Variants in PARM1 observed in about 807,000 individuals in gnomAD.
PARM1 encodes the protein prostate androgen-regulated mucin-like protein 1, also known as WSC4, cell wall integrity and stress response component 4 homolog.
PARM1 carries 14 observed loss-of-function variants against 24.6 expected under a neutral mutation model. The ratio of observed to expected loss-of-function variants is 0.57; its 90% CI spans 0.38 to 0.89. The LOEUF is 0.89. Ranked by LOEUF, PARM1 falls within the 40% of genes least tolerant of loss-of-function variation. PARM1 has a pLI of 0.00. For synonymous variants in PARM1, 179 were observed against 156.6 expected (o/e 1.14, Z -1.07); for missense variants, 362 against 380.4 (o/e 0.95, Z 0.40).
intron 1 of PARM1, among the ~76,000 whole-genome samples, chr4:74,935,461 A>T (rs1455276523): frequency 6.6e-6 from 1 of 152,180 alleles, no homozygotes; most frequent in Non-Finnish European, 1.5e-5. Context: ...TTAAAGAAAA[A>T]AATAGACGTG....
intron 1 of PARM1, among the ~76,000 whole-genome samples, chr4:74,979,136 A>G (rs1007761990): frequency 6.7e-6 from 1 of 149,382 alleles, no homozygotes; most frequent in African/African-American, 2.6e-5. Context: ...ATAGAGACGC[A>G]CACACACACA....
chr4:74,933,654 T>A (rs936341366), intron 1 of PARM1, among the ~76,000 whole-genome samples: 1 of 152,102 alleles, frequency 6.6e-6, no homozygotes, highest in African/African-American at 2.4e-5. Context: ...GAACCCAGAG[T>A]GGGCAACACG....
chr4:75,024,267 A>AC (rs1553972812), intron 2 of PARM1, among the ~76,000 whole-genome samples: 1 of 151,976 alleles, frequency 6.6e-6, no homozygotes, highest in Non-Finnish European at 1.5e-5. Context: ...AAAAAAAAAA[A>AC]AAATAGCAAG....
At chr4:74,972,981 G>C in intron 1 of PARM1, among the ~76,000 whole-genome samples, 1 of 152,108 alleles carries the variant, frequency 6.6e-6, no homozygotes, top group Non-Finnish European at 1.5e-5. Flanking sequence ...ACCATGTGAT[G>C]TTTAGATCTC....
intron 1 of PARM1, among the ~76,000 whole-genome samples, chr4:74,954,396 A>T (rs1300037191): frequency 2.6e-5 from 4 of 152,212 alleles, no homozygotes; most frequent in African/African-American, 9.6e-5. Context: ...TTCCAACTTT[A>T]CCAAGAATGA....
chr4:74,946,120 G>A (rs931883550), intron 1 of PARM1, among the ~76,000 whole-genome samples: 5 of 152,116 alleles, frequency 3.3e-5, no homozygotes, highest in African/African-American at 9.7e-5. Context: ...TAGAAAGTAC[G>A]CAGTACTATT....
chr4:74,994,777 A>T (rs1722544358), intron 1 of PARM1, among the ~76,000 whole-genome samples: 1 of 150,794 alleles, frequency 6.6e-6, no homozygotes, highest in South Asian at 2.1e-4. Context: ...TGGGTGACAG[A>T]GCAAGACTCT....
At chr4:75,041,342 A>C (rs1487964266) in intron 3 of PARM1, among the ~76,000 whole-genome samples, 1 of 152,242 alleles carries the variant, frequency 6.6e-6, no homozygotes, top group Non-Finnish European at 1.5e-5. Context: ...TAATGAACTG[A>C]AAGTTCAGCT....
chr4:74,977,425 G>C (rs1483733230), intron 1 of PARM1, among the ~76,000 whole-genome samples: 1 of 152,032 alleles, frequency 6.6e-6, no homozygotes, highest in African/African-American at 2.4e-5. Flanking sequence ...AGAATAAAAA[G>C]GAATGAACAA....
intron 1 of PARM1, chr4:74,969,790 A>T (rs1374712041): frequency 6.6e-6 from 1 of 152,190 alleles, no homozygotes; most frequent in African/African-American, 2.4e-5. Context: ...GGTGCTCTCA[A>T]CACCTTACTA....
chr4:75,044,986 C>T (rs1031109142), intron 3 of PARM1, among the ~76,000 whole-genome samples: 7 of 152,192 alleles, frequency 4.6e-5, no homozygotes, highest in Non-Finnish European at 7.3e-5. Context: ...CACAGGGTTC[C>T]TCCCACAACA....
chr4:74,942,356 T>C (rs545631706), intron 1 of PARM1, among the ~76,000 whole-genome samples: 5 of 152,358 alleles, frequency 3.3e-5, no homozygotes, highest in Non-Finnish European at 7.3e-5. Context: ...TAATGAGCAA[T>C]GACAAAACTC....
intron 1 of PARM1, chr4:74,994,361 G>A (rs900588157): frequency 2.6e-5 from 4 of 152,138 alleles, no homozygotes; most frequent in Admixed American, 2.0e-4. Context: ...GACATTCATC[G>A]TCATGGCATG....
At position 74,999,746 on chromosome 4, in the gene PARM1, TC is replaced by T. The variant is rs1483834196; in HGVS notation, c.44-12678del. 1.5e-4 allele frequency among the ~76,000 whole-genome samples: 23 copies of T among 152,298 alleles called. 1 individual carries two copies. Among genetic ancestry groups the T allele is most frequent in the African/African-American group, 3.9e-4 (16 of 41,552 alleles). Reference sequence around the variant, plus strand: ...TAATGAATATGTGCTAGCTTATACCTCAAAGCACTGATAAAGGCAGGCCAGG... The same window carrying T: ...TAATGAATATGTGCTAGCTTATACCTAAAGCACTGATAAAGGCAGGCCAGG... On this transcript the variant is annotated intron_variant, in intron 1 of 3. Coordinates refer to ENST00000307428, the MANE Select transcript of PARM1 (RefSeq NM_015393.4).
intron 1 of PARM1, among the ~76,000 whole-genome samples, chr4:74,959,902 T>C (rs1266904699): frequency 1.3e-5 from 2 of 152,170 alleles, no homozygotes; most frequent in African/African-American, 4.8e-5. Context: ...TAAACAACAA[T>C]TGCAGTTGCA....
At chr4:74,933,933 G>T (rs1245024483) in intron 1 of PARM1, among the ~76,000 whole-genome samples, 1 of 152,198 alleles carries the variant, frequency 6.6e-6, no homozygotes, top group African/African-American at 2.4e-5. Flanking sequence ...CAGCGGCCCG[G>T]CCTTGGTCAG....
chr4:75,001,747 A>G (rs1178222065), intron 1 of PARM1, among the ~76,000 whole-genome samples: 2 of 152,236 alleles, frequency 1.3e-5, no homozygotes, highest in African/African-American at 4.8e-5. Context: ...AAAGAGGCAC[A>G]TCAATATTAC....
intron 1 of PARM1, among the ~76,000 whole-genome samples, chr4:74,968,237 G>A (rs1320369271): frequency 6.6e-6 from 1 of 152,138 alleles, no homozygotes; most frequent in Non-Finnish European, 1.5e-5. Flanking sequence ...AGAGAAATTA[G>A]ACATTGAACT....
intron 2 of PARM1, among the ~76,000 whole-genome samples, chr4:75,027,250 G>A (rs542417478): frequency 3.3e-4 from 50 of 152,238 alleles, no homozygotes; most frequent in Non-Finnish European, 5.6e-4. Flanking sequence ...GCCATGGAGT[G>A]GTGAAACCTC....
Sources: gnomAD v4.1 joint callset for allele counts (sites outside exome capture counted in the v4.1 genomes callset) on GRCh38, gnomAD v4.1.1 for gene constraint, MANE v1.5 for transcripts, NCBI Gene and HGNC (gene_info 2026-07-23, HGNC 2026-07-21) for gene names.